Variants in FUT8 observed in about 807,000 individuals in gnomAD.
The protein encoded by FUT8 is alpha-(1,6)-fucosyltransferase.
A neutral mutation model predicts 71.3 loss-of-function variants in FUT8; 29 were observed. The ratio of observed to expected loss-of-function variants is 0.41; its 90% CI spans 0.30 to 0.55. FUT8 has a LOEUF of 0.55. FUT8 is among the 20% of genes least tolerant of loss of function. The probability of loss-of-function intolerance (pLI) is 0.34; values close to 1 mark genes in which losing one functional copy is unlikely to be tolerated. For synonymous variants in FUT8, 254 were observed against 239.3 expected, an observed-to-expected ratio of 1.06 and a Z score of -0.57; for missense variants, 544 against 702.1, an observed-to-expected ratio of 0.77 and a Z score of 2.55.
chr14:65,520,461 G>C (rs577201220), intron 2 of FUT8, among the ~76,000 whole-genome samples: 2 of 152,176 alleles, frequency 1.3e-5, no homozygotes, highest in Non-Finnish European at 2.9e-5. Context: ...TCACAGGATA[G>C]TACGGAATGT....
At chr14:65,496,580 T>TCACC (rs897659194) in intron 2 of FUT8, among the ~76,000 whole-genome samples, 6 of 152,094 alleles carry the variant, frequency 3.9e-5, no homozygotes, top group Non-Finnish European at 8.8e-5. Context: ...AGTTCCTCCT[T>TCACC]CACCCACTCG....
chr14:65,610,400 T>C (rs1366019217), intron 3 of FUT8, among the ~76,000 whole-genome samples: 2 of 151,794 alleles, frequency 1.3e-5, no homozygotes, highest in African/African-American at 4.8e-5. Context: ...CCTTTTTTTT[T>C]TTTTTTGAAA....
chr14:65,487,051 A>C (rs2066418864), intron 2 of FUT8, among the ~76,000 whole-genome samples: 1 of 152,188 alleles, frequency 6.6e-6, no homozygotes, highest in Non-Finnish European at 1.5e-5. Context: ...GAGCACAGTT[A>C]GACTCTATTA....
At chr14:65,506,034 C>T (rs1030257574) in intron 2 of FUT8, among the ~76,000 whole-genome samples, 3 of 152,160 alleles carry the variant, frequency 2.0e-5, no homozygotes, top group Non-Finnish European at 4.4e-5. Flanking sequence ...GACTGTTGTA[C>T]CTAATGCACC....
At chr14:65,692,412 C>A (rs1170318654) in intron 7 of FUT8, among the ~76,000 whole-genome samples, 3 of 114,830 alleles carry the variant, frequency 2.6e-5, no homozygotes, top group African/African-American at 9.4e-5. Context: ...GGGGGCTGAC[C>A]CCCCCACCTC....
At chr14:65,426,891 C>G (rs2065396960) in intron 1 of FUT8, among the ~76,000 whole-genome samples, 4 of 152,048 alleles carry the variant, frequency 2.6e-5, no homozygotes, top group South Asian at 4.2e-4. Context: ...CGGAGTCTCT[C>G]TTTGTCGCCC....
intron 3 of FUT8, among the ~76,000 whole-genome samples, chr14:65,611,238 C>T (rs1888937108): frequency 2.0e-4 from 1 of 4,962 alleles, no homozygotes; most frequent in African/African-American, 5.5e-4. Flanking sequence ...CACACACACA[C>T]ACACACACAC....
intron 1 of FUT8, among the ~76,000 whole-genome samples, chr14:65,420,984 A>G (rs1190638215): frequency 2.0e-5 from 3 of 152,068 alleles, no homozygotes; most frequent in Non-Finnish European, 4.4e-5. Flanking sequence ...CTTGAGGTCA[A>G]GAGATCGAGA....
chr14:65,528,290 A>G (rs1883653359), intron 2 of FUT8, among the ~76,000 whole-genome samples: 1 of 152,152 alleles, frequency 6.6e-6, no homozygotes, highest in Admixed American at 6.5e-5. Flanking sequence ...TTGCAGTTCG[A>G]TCTCAGACTG....
rs1372993854 is a variant in FUT8 at position 65,715,851 on chromosome 14, C to T, written c.836-5924C>T. 9.2e-5 allele frequency among the ~76,000 whole-genome samples: 14 copies of T among 151,708 alleles called. No individual in the cohort carries two copies. The East Asian group carries it at 2.5e-3, about 27-fold the overall frequency. On this transcript the variant is annotated intron_variant, in intron 7 of 10. Transcript: ENST00000673929. ...TGAGGCTGAGTACAGTGGCACATAC[C>T]TTGTGGTCCTAGCTACTCAGGAGGC...
the FUT8 span, among the ~76,000 whole-genome samples, chr14:65,381,853 C>T: frequency 1.3e-5 from 2 of 152,184 alleles, no homozygotes; most frequent in African/African-American, 4.8e-5. Flanking sequence ...TCCAGCAACA[C>T]TTTCTCTCCA....
At position 65,468,184 on chromosome 14, in the gene FUT8, C is replaced by T. The variant is rs141581036; in HGVS notation, c.-228+12466C>T. 5.8e-4 allele frequency: 365 copies of T among 634,528 alleles called. No individual in the cohort carries two copies. In the East Asian group the frequency reaches 9.4e-3, roughly 16 times the overall value. 39.3% of individuals were successfully genotyped at this position (634,528 alleles called of 1,614,324 possible). A position where few individuals can be genotyped will look rare whatever the true frequency, so the allele number is the denominator to read the frequency against. On this transcript the variant is annotated intron_variant, in intron 2 of 10. Coordinates refer to ENST00000673929, the MANE Select transcript of FUT8 (RefSeq NM_001371533.1). ...TCCAGTTTTGCCATGATAACACTCG[C>T]GGAGCATTCCTTTTTGAATAGTACC...
At chr14:65,430,206 T>A (rs2065451795) in intron 1 of FUT8, 2 of 151,688 alleles carry the variant, frequency 1.3e-5, no homozygotes, top group African/African-American at 4.9e-5. Flanking sequence ...GTTTTTGATA[T>A]TTTTTGTAGA....
chr14:65,656,366 TA>T (rs1370447462), intron 6 of FUT8, among the ~76,000 whole-genome samples: 1 of 151,946 alleles, frequency 6.6e-6, no homozygotes, highest in East Asian at 1.9e-4. Flanking sequence ...AAAAGAAATT[TA>T]AAAAAGTAAT....
At chr14:65,485,934 A>C (rs1594687622) in intron 2 of FUT8, among the ~76,000 whole-genome samples, 1 of 152,294 alleles carries the variant, frequency 6.6e-6, no homozygotes, top group Non-Finnish European at 1.5e-5. Flanking sequence ...TTTGTTGCTT[A>C]ATGTCCAGTT....
chr14:65,618,012 TATATATATATATA>T (rs1889378635), intron 5 of FUT8, among the ~76,000 whole-genome samples: 1 of 23,466 alleles, frequency 4.3e-5, no homozygotes, highest in South Asian at 2.3e-3. Context: ...AATTAATTCA[TATATATATATATA>T]TATATATATA....
the FUT8 span, among the ~76,000 whole-genome samples, chr14:65,370,356 T>C: frequency 1.8e-4 from 27 of 151,710 alleles, no homozygotes; most frequent in Admixed American, 5.3e-4. Context: ...TACAGGTGCC[T>C]GCCACCAGGC....
At chr14:65,598,993 G>A (rs1053575307) in intron 3 of FUT8, among the ~76,000 whole-genome samples, 2 of 151,876 alleles carry the variant, frequency 1.3e-5, no homozygotes, top group South Asian at 2.1e-4. Flanking sequence ...GTTTCACCAC[G>A]TCAGCCAGGA....
chr14:65,688,520 C>CAA (rs34293733), intron 7 of FUT8, among the ~76,000 whole-genome samples: 2,631 of 54,968 alleles, frequency 0.048, 124 homozygotes, highest in East Asian at 0.11. Flanking sequence ...ATCCACATGC[C>CAA]AAAAAAAAAA....
Sources: gnomAD v4.1 joint callset for allele counts (sites outside exome capture counted in the v4.1 genomes callset) on GRCh38, gnomAD v4.1.1 for gene constraint, MANE v1.5 for transcripts, NCBI Gene and HGNC (gene_info 2026-07-23, HGNC 2026-07-21) for gene names.